Variants in SMIM35 observed in about 807,000 individuals in gnomAD.
SMIM35 encodes the protein TMPRSS4 antisense RNA 1 (non-protein coding).
chr11:118,030,652 G>A (rs1377213849), intron 1 of SMIM35, among the ~76,000 whole-genome samples: 1 of 152,120 alleles, frequency 6.6e-6, no homozygotes, highest in Admixed American at 6.6e-5. Flanking sequence ...CAAGCTGGGG[G>A]AGGAGGGTAT....
chr11:118,017,603 T>A (rs898065287), intron 1 of SMIM35, among the ~76,000 whole-genome samples: 21 of 152,124 alleles, frequency 1.4e-4, no homozygotes, highest in African/African-American at 4.8e-4. Context: ...TTAAATAAAG[T>A]GGTCAAGGAA....
chr11:118,079,214 A>G (rs1944938223), intron 1 of SMIM35, among the ~76,000 whole-genome samples: 2 of 152,140 alleles, frequency 1.3e-5, no homozygotes, highest in Non-Finnish European at 2.9e-5. Flanking sequence ...CCTGTCATTA[A>G]GCCTGTGCTT....
At chr11:118,085,121 C>T (rs567753969) in intron 1 of SMIM35, among the ~76,000 whole-genome samples, 111 of 152,220 alleles carry the variant, frequency 7.3e-4, no homozygotes, top group African/African-American at 2.4e-3. Context: ...CTTGTGAAGT[C>T]GCTTTTATTG....
chr11:118,055,588 C>T (rs898240659), intron 1 of SMIM35, among the ~76,000 whole-genome samples: 7 of 152,154 alleles, frequency 4.6e-5, no homozygotes, highest in African/African-American at 7.2e-5. Flanking sequence ...CTAGTCATTT[C>T]CCTTAGTTTC....
chr11:118,068,788 C>T (rs1281694844), intron 1 of SMIM35, among the ~76,000 whole-genome samples: 8 of 152,152 alleles, frequency 5.3e-5, no homozygotes, highest in Non-Finnish European at 7.4e-5. Context: ...CACCACCTGG[C>T]GGCACTGTGT....
intron 4 of SMIM35, among the ~76,000 whole-genome samples, chr11:118,006,789 G>A (rs997370149): frequency 3.7e-4 from 56 of 152,164 alleles, no homozygotes; most frequent in African/African-American, 1.4e-3. Context: ...CTTCCTAGCT[G>A]AGTCATATCA....
rs112570570 is a variant in SMIM35 at position 118,029,810 on chromosome 11, C to G, written c.8-14001G>C. The G allele has an allele frequency of 3.2e-4, 146 of 457,028 alleles. 1 individual carries two copies. Among genetic ancestry groups the G allele is most frequent in the African/African-American group, 2.5e-3 (124 of 50,216 alleles). The allele number at this position is 457,028 out of a possible 1,614,324, so 28.3% of individuals were successfully genotyped here. ...CCCCAGGCTCTATGTTTTGATACTT[C>G]CAAGTTCTTCCCTTTGTTTCCGCAG... On this transcript the variant is annotated intron_variant, in intron 1 of 4. Transcript: ENST00000689828.
intron 1 of SMIM35, chr11:118,025,236 G>T (rs373298895): frequency 7.3e-5 from 22 of 303,042 alleles, no homozygotes; most frequent in South Asian, 5.7e-4. Context: ...ACATATGAGT[G>T]CATGTGACTT....
At chr11:118,060,617 C>T (rs1320798536) in intron 1 of SMIM35, among the ~76,000 whole-genome samples, 3 of 152,128 alleles carry the variant, frequency 2.0e-5, no homozygotes, top group Non-Finnish European at 4.4e-5. Flanking sequence ...GGCTTAGCAT[C>T]CTGTGTTCCT....
At chr11:118,080,002 C>A (rs1945000860) in intron 1 of SMIM35, among the ~76,000 whole-genome samples, 1 of 152,122 alleles carries the variant, frequency 6.6e-6, no homozygotes, top group Non-Finnish European at 1.5e-5. Flanking sequence ...TCACTGTAAC[C>A]ACTCCCCCCC....
chr11:118,035,608 G>C (rs1299953947), intron 1 of SMIM35, among the ~76,000 whole-genome samples: 1 of 152,186 alleles, frequency 6.6e-6, no homozygotes, highest in African/African-American at 2.4e-5. Context: ...CTAGGGGCCT[G>C]GCCAGGCTCT....
intron 1 of SMIM35, among the ~76,000 whole-genome samples, chr11:118,041,630 G>A (rs973898198): frequency 2.6e-5 from 4 of 152,078 alleles, no homozygotes; most frequent in Non-Finnish European, 1.5e-5. Context: ...ATAAAGACCC[G>A]GTACACCAAA....
intron 1 of SMIM35, among the ~76,000 whole-genome samples, chr11:118,046,469 G>A (rs1014414831): frequency 6.6e-6 from 1 of 152,176 alleles, no homozygotes; most frequent in Non-Finnish European, 1.5e-5. Flanking sequence ...GTGCCTGGCT[G>A]TGTCAGAAAT....
chr11:118,049,835 C>T (rs1440972782), intron 1 of SMIM35, among the ~76,000 whole-genome samples: 1 of 152,102 alleles, frequency 6.6e-6, no homozygotes, highest in East Asian at 1.9e-4. Flanking sequence ...ACTAACTACT[C>T]CTGCCTTGGA....
At chr11:118,063,045 G>A (rs2135125203) in intron 1 of SMIM35, among the ~76,000 whole-genome samples, 1 of 152,252 alleles carries the variant, frequency 6.6e-6, no homozygotes, top group African/African-American at 2.4e-5. Context: ...CAAATGCCAT[G>A]GCAAAGTCAG....
intron 1 of SMIM35, among the ~76,000 whole-genome samples, chr11:118,030,395 A>G (rs1201581696): frequency 6.6e-6 from 1 of 152,228 alleles, no homozygotes; most frequent in Non-Finnish European, 1.5e-5. Flanking sequence ...GGGAGACAAT[A>G]GAGCACAATC....
intron 1 of SMIM35, among the ~76,000 whole-genome samples, chr11:118,051,132 T>A (rs896067524): frequency 3.3e-5 from 5 of 152,242 alleles, no homozygotes; most frequent in Admixed American, 6.5e-5. Flanking sequence ...GGAGGCATTG[T>A]CTTTTATTCT....
At chr11:118,066,400 CCACACAGCT>C (rs1485432972) in intron 1 of SMIM35, among the ~76,000 whole-genome samples, 1 of 152,080 alleles carries the variant, frequency 6.6e-6, no homozygotes, top group Admixed American at 6.6e-5. Flanking sequence ...GGCTCTCCAT[CCACACAGCT>C]ACCAGAATGA....
chr11:118,040,224 A>T (rs554690193), intron 1 of SMIM35, among the ~76,000 whole-genome samples: 1 of 152,174 alleles, frequency 6.6e-6, no homozygotes, highest in African/African-American at 2.4e-5. Context: ...TTAGAAAAAA[A>T]TAAGTAAATA....
Sources: allele counts gnomAD v4.1 joint callset (sites outside exome capture counted in the v4.1 genomes callset), GRCh38; gene constraint gnomAD v4.1.1; transcripts MANE v1.5; gene names NCBI Gene and HGNC (gene_info 2026-07-23, HGNC 2026-07-21).